Variants in XKR9 observed in about 807,000 individuals in gnomAD.
XKR9 encodes the protein XK-related protein 9.
Under a neutral mutation model 32.0 loss-of-function variants are expected in XKR9, and 32 were observed. The observed-to-expected ratio is 1.00, with a 90% CI of 0.76 to 1.34. XKR9 has a LOEUF of 1.34. Among genes scored for constraint, XKR9 ranks in the 40% most tolerant of loss-of-function variants. The pLI is 0.00. For synonymous variants in XKR9, 168 were observed against 143.4 expected, an observed-to-expected ratio of 1.17 and a Z score of -1.22; for missense variants, 546 against 429.7, an observed-to-expected ratio of 1.27 and a Z score of -2.39.
chr8:70,863,526 A>G, the XKR9 span, among the ~76,000 whole-genome samples: 2 of 152,210 alleles, frequency 1.3e-5, no homozygotes, highest in Non-Finnish European at 2.9e-5. Context: ...CTTAGGCCAC[A>G]TGACTTTCTT....
chr8:70,995,396 A>T, the XKR9 span, among the ~76,000 whole-genome samples: 1 of 152,194 alleles, frequency 6.6e-6, no homozygotes, highest in South Asian at 2.1e-4. Context: ...TTGAATTGAC[A>T]TATGGCATAT....
chr8:70,755,839 A>G (rs113287880), intron 2 of XKR9, among the ~76,000 whole-genome samples: 36 of 152,036 alleles, frequency 2.4e-4, no homozygotes, highest in African/African-American at 8.4e-4. Flanking sequence ...GCAGCACACC[A>G]GCATGGCACA....
intron 2 of XKR9, among the ~76,000 whole-genome samples, chr8:70,787,464 A>C (rs1807703149): frequency 6.6e-6 from 1 of 152,098 alleles, no homozygotes; most frequent in Admixed American, 6.6e-5. Context: ...TTGGGAGAAG[A>C]AATTAAGTCT....
the XKR9 span, among the ~76,000 whole-genome samples, chr8:70,804,849 A>G: frequency 6.6e-6 from 1 of 152,040 alleles, no homozygotes; most frequent in African/African-American, 2.4e-5. Flanking sequence ...AGACTTTTGG[A>G]TTGGTAAAAT....
the XKR9 span, among the ~76,000 whole-genome samples, chr8:70,796,392 T>A: frequency 6.6e-6 from 1 of 152,156 alleles, no homozygotes; most frequent in Non-Finnish European, 1.5e-5. Context: ...TTCCTTATAA[T>A]CTTTTATATT....
chr8:70,884,346 T>C, the XKR9 span, among the ~76,000 whole-genome samples: 1 of 152,192 alleles, frequency 6.6e-6, no homozygotes, highest in Admixed American at 6.5e-5. Context: ...TTGAATTGTG[T>C]CTTTTGTAGA....
the XKR9 span, among the ~76,000 whole-genome samples, chr8:70,888,065 A>G: frequency 3.9e-5 from 6 of 151,998 alleles, no homozygotes; most frequent in African/African-American, 1.4e-4. Context: ...CTTTGTGTTG[A>G]GAACATTCAA....
At chr8:70,925,058 A>G in the XKR9 span, among the ~76,000 whole-genome samples, 1 of 152,204 alleles carries the variant, frequency 6.6e-6, no homozygotes, top group Non-Finnish European at 1.5e-5. Flanking sequence ...ACATTGTCAC[A>G]TTCAAAAATC....
chr8:70,953,361 G>C, the XKR9 span, among the ~76,000 whole-genome samples: 1 of 152,070 alleles, frequency 6.6e-6, no homozygotes, highest in Non-Finnish European at 1.5e-5. Flanking sequence ...ACCTAGGCTG[G>C]AGTGCAGTAG....
chr8:70,741,584 G>T (rs925517674), intron 2 of XKR9, among the ~76,000 whole-genome samples: 1 of 152,080 alleles, frequency 6.6e-6, no homozygotes, highest in Non-Finnish European at 1.5e-5. Context: ...CTTTTTTTAA[G>T]ACTGAATAGT....
rs1407191540 is a variant in XKR9, at chr8:70,669,404, T to TGGCGTGAGGC, written c.-493_-484dup. On this transcript the variant is annotated 5_prime_UTR_variant, in exon 1 of 5. Transcript: ENST00000408926. ...GGGAAGGCTGGCGCGAGGCGTGAGG[T>TGGCGTGAGGC]GGCGTGAGGCGAAGCTGGAATCTGC... 1 of 404,910 alleles carries TGGCGTGAGGC rather than the reference T, an allele frequency of 2.5e-6. No homozygotes were observed. Among genetic ancestry groups the TGGCGTGAGGC allele is most frequent in the Non-Finnish European group, 4.5e-6 (1 of 222,934 alleles). 25.1% of individuals were successfully genotyped at this position (404,910 alleles called of 1,614,324 possible).
At chr8:70,944,615 C>G in the XKR9 span, among the ~76,000 whole-genome samples, 2 of 152,084 alleles carry the variant, frequency 1.3e-5, no homozygotes, top group African/African-American at 4.8e-5. Flanking sequence ...ATTTCTTGCG[C>G]TCAGCAGTAG....
chr8:71,021,437 A>T, the XKR9 span, among the ~76,000 whole-genome samples: 2 of 151,600 alleles, frequency 1.3e-5, no homozygotes, highest in African/African-American at 4.8e-5. Context: ...TTTGTTGGAT[A>T]CAGAGTTTGC....
chr8:70,752,581 C>A (rs1452114229), intron 2 of XKR9, among the ~76,000 whole-genome samples: 1 of 152,152 alleles, frequency 6.6e-6, no homozygotes, highest in African/African-American at 2.4e-5. Context: ...GACCTAATCA[C>A]CTCTTAAAGT....
the XKR9 span, among the ~76,000 whole-genome samples, chr8:70,976,915 A>C: frequency 1.3e-5 from 2 of 152,166 alleles, no homozygotes; most frequent in African/African-American, 4.8e-5. Context: ...TGGTCTATTC[A>C]GGGATTCAAC....
chr8:70,800,599 C>A, the XKR9 span, among the ~76,000 whole-genome samples: 36 of 152,234 alleles, frequency 2.4e-4, no homozygotes, highest in African/African-American at 8.4e-4. Flanking sequence ...GATTCTATTG[C>A]CTCAGCCTCC....
chr8:70,748,212 G>T (rs989605152), intron 2 of XKR9, among the ~76,000 whole-genome samples: 4 of 152,232 alleles, frequency 2.6e-5, no homozygotes, highest in Non-Finnish European at 5.9e-5. Context: ...TGCAGAGCCA[G>T]CAGGAGCAGG....
chr8:71,014,372 A>G, the XKR9 span, among the ~76,000 whole-genome samples: 5 of 152,144 alleles, frequency 3.3e-5, no homozygotes, highest in African/African-American at 9.7e-5. Flanking sequence ...GTCTGAAATC[A>G]AGGTGTTAGC....
chr8:70,803,324 A>AT, the XKR9 span, among the ~76,000 whole-genome samples: 10 of 152,060 alleles, frequency 6.6e-5, no homozygotes, highest in Non-Finnish European at 1.3e-4. Flanking sequence ...TGGCCATTTA[A>AT]TTTTTTATCT....
Sources: gnomAD v4.1 joint callset for allele counts (sites outside exome capture counted in the v4.1 genomes callset) on GRCh38, gnomAD v4.1.1 for gene constraint, MANE v1.5 for transcripts, NCBI Gene and HGNC (gene_info 2026-07-23, HGNC 2026-07-21) for gene names.